Variants in STK36 observed in about 807,000 individuals in gnomAD.
The protein encoded by STK36 is serine/threonine-protein kinase 36.
A neutral mutation model predicts 142.2 loss-of-function variants in STK36; 116 were observed. The observed-to-expected ratio is 0.82, with a 90% CI of 0.70 to 0.95. STK36 has a LOEUF of 0.95. STK36 is among the 40% of genes least tolerant of loss of function. The pLI is 0.00. For missense variants in STK36, 1,422 were observed against 1,617.2 expected, an observed-to-expected ratio of 0.88 and a Z score of 2.07; for synonymous variants, 619 against 641.7, an observed-to-expected ratio of 0.96 and a Z score of 0.53.
At position 218,699,038 on chromosome 2, in the gene STK36, A is replaced by C; in HGVS notation, c.3494A>C (p.Asp1165Ala). Reference protein sequence around the residue: ...SLLLLGLGDKDPVVRCSASFA... With the variant: ...SLLLLGLGDKAPVVRCSASFA... ...CTGCTGCTTGGGCTTGGAGACAAGG[A>C]TCCTGTTGTGCGGTGCAGTGCCAGC... The change falls in exon 26 of 27, where the codon GAT (aspartate) becomes GCT (alanine). Residue 1165 changes from aspartate to alanine, a missense_variant. Physicochemically the swap from Asp to Ala is moderately radical, Grantham distance 126 (BLOSUM62 -2). Coordinates refer to ENST00000295709, the MANE Select transcript of STK36 (RefSeq NM_015690.5). The C allele has an allele frequency of 6.2e-7, 1 of 1,614,076 alleles. No homozygotes were observed. Among genetic ancestry groups the C allele is most frequent in the Non-Finnish European group, 8.5e-7 (1 of 1,180,024 alleles).
chr2:218,683,960 AC>A (rs1940656049), intron 10 of STK36, among the ~76,000 whole-genome samples: 1 of 108,968 alleles, frequency 9.2e-6, no homozygotes, highest in East Asian at 2.1e-4. Flanking sequence ...TATATGTGCC[AC>A]TTTTTTTTTT....
In STK36 at chr2:218,699,091, G is replaced by C. The variant is rs1353212456; in HGVS notation, c.3547G>C (p.Ala1183Pro). 11 of 1,613,914 alleles carry C rather than the reference G, an allele frequency of 6.8e-6. No individual in the cohort carries two copies. The highest frequency in any genetic ancestry group is 2.7e-5 in the African/African-American group (2 of 74,914). Residue 1183 changes from alanine to proline, a missense_variant, in exon 26 of 27, where the codon GCT becomes CCT. Around this residue, in one of 2 missense-constraint regions of STK36, gnomAD observed 962 missense variants for 1,167.5 expected, o/e 0.82. Transcript: ENST00000295709. Reference protein sequence around the residue: ...SFAVGNAAYQAGPLGPALAAA... With the variant: ...SFAVGNAAYQPGPLGPALAAA... ...TGCTGTGGGCAATGCAGCCTACCAG[G>C]CTGGTCCTCTGGGACCTGCCCTGGC...
intron 4 of STK36, among the ~76,000 whole-genome samples, chr2:218,674,514 C>T (rs7578509): frequency 0.06 from 9,194 of 152,278 alleles, 926 homozygotes; most frequent in African/African-American, 0.21. Context: ...TAGGCCCCCC[C>T]TGGGATTCAT....
Position 218,679,230 on chromosome 2 carries a change from A to T in STK36, c.747A>T (p.Leu249Phe), listed in dbSNP as rs1291463016. The part of the protein sequence containing the change: ...PRQRLSWPDL[L>F]YHPFIAGHVT... ...AGCGACTGTCCTGGCCAGACCTCTTATATCACCCCTTTATTGCTGGTCATG... is the reference window on the plus strand; with the variant it reads ...AGCGACTGTCCTGGCCAGACCTCTTTTATCACCCCTTTATTGCTGGTCATG... The change falls in exon 7 of 27, where the codon TTA (leucine) becomes TTT (phenylalanine). Residue 249 changes from leucine (L) to phenylalanine (F), a missense_variant. Physicochemically the swap from Leu to Phe is conservative, Grantham distance 22. Around this residue, in one of 2 missense-constraint regions of STK36, gnomAD observed 460 missense variants for 449.6 expected, o/e 1.02. Coordinates refer to ENST00000295709, the MANE Select transcript of STK36 (RefSeq NM_015690.5). The T allele has an allele frequency of 1.9e-6, 3 of 1,614,024 alleles. No homozygotes were observed. In the African/African-American group the frequency reaches 4.0e-5, roughly 22 times the overall value.
Position 218,692,670 on chromosome 2 carries a change from C to T in STK36, c.2003C>T (p.Ala668Val). The change falls in exon 16 of 27, where the codon GCT (alanine) becomes GTT (valine). Residue 668 changes from alanine (A) to valine (V), a missense_variant. Ala to Val is a moderately conservative substitution (Grantham distance 64, BLOSUM62 0). This residue lies in a region of STK36 where 962 missense variants were observed against 1,167.5 expected (regional missense o/e 0.82). Coordinates refer to ENST00000295709, the MANE Select transcript of STK36 (RefSeq NM_015690.5). ...TCTGCCCTGGCAGCCATATGCACTGCTCCTGTGGGACTGCCCGACTGCTGG... is the reference window on the plus strand; with the variant it reads ...TCTGCCCTGGCAGCCATATGCACTGTTCCTGTGGGACTGCCCGACTGCTGG... ...ISSALAAICTAPVGLPDCWDA... is the reference protein window; with the variant it reads ...ISSALAAICTVPVGLPDCWDA... The T allele has an allele frequency of 6.2e-7, 1 of 1,613,580 alleles. No homozygotes were observed. The highest frequency in any genetic ancestry group is 2.2e-5 in the East Asian group (1 of 44,880).
chr2:218,699,013 C>T lies in STK36; in HGVS notation c.3469C>T (p.Leu1157=). The T allele has an allele frequency of 6.2e-7, 1 of 1,614,182 alleles. No individual in the cohort carries two copies. The highest frequency in any genetic ancestry group is 8.5e-7 in the Non-Finnish European group (1 of 1,180,030). ...LQSQSGLLSL[L]LLGLGDKDPV... is the part of the protein sequence containing the mutation. ...GAGCCAGTCTGGACTGCTCAGCCTT[C>T]TGCTGCTTGGGCTTGGAGACAAGGA... The change falls in exon 26 of 27, where the codon CTG becomes TTG. Residue 1157 remains leucine, a synonymous_variant. Transcript: ENST00000295709.
chr2:218,673,743 A>G lies in STK36; in HGVS notation c.203A>G (p.Asp68Gly). The G allele has an allele frequency of 6.2e-7, 1 of 1,614,100 alleles. No individual in the cohort carries two copies. Among genetic ancestry groups the G allele is most frequent in the Non-Finnish European group, 8.5e-7 (1 of 1,180,008 alleles). The change falls in exon 3 of 27, where the codon GAC becomes GGC. Residue 68 changes from aspartate (D) to glycine (G), a missense_variant. By Grantham distance (94) the Asp-to-Gly change is moderately conservative. Coordinates refer to ENST00000295709, the MANE Select transcript of STK36 (RefSeq NM_015690.5). ...LRHPNIVHML[D>G]SFETDKEVVV... Reference sequence around the variant, plus strand: ...CATCCCAACATTGTGCATATGCTTGACAGCTTTGAAACTGATAAAGAGGTG... The same window carrying G: ...CATCCCAACATTGTGCATATGCTTGGCAGCTTTGAAACTGATAAAGAGGTG...
rs746787404 is a variant in STK36, at chr2:218,689,898, G to A, written c.1600G>A (p.Val534Met). Residue 534 changes from valine (V) to methionine (M), a missense_variant, in exon 13 of 27, where the codon GTG becomes ATG. Around this residue, in one of 2 missense-constraint regions of STK36, gnomAD observed 962 missense variants for 1,167.5 expected, o/e 0.82. Coordinates refer to ENST00000295709, the MANE Select transcript of STK36 (RefSeq NM_015690.5). ...YGTFLQDLMAVIQAYFACTFN... is the reference protein window; with the variant it reads ...YGTFLQDLMAMIQAYFACTFN... ...GACCTTCTTACAGGACCTGATGGCT[G>A]TGATTCAGGCCTACTTTGCCTGTAC... The A allele has an allele frequency of 3.1e-6, 5 of 1,609,194 alleles. No individual in the cohort carries two copies. Among genetic ancestry groups the A allele is most frequent in the Admixed American group, 3.4e-5 (2 of 59,446 alleles).
At chr2:218,674,852 A>C (rs555686017) in intron 4 of STK36, among the ~76,000 whole-genome samples, 2 of 152,312 alleles carry the variant, frequency 1.3e-5, no homozygotes, top group African/African-American at 2.4e-5. Context: ...TGCCCGCCTC[A>C]GCCTCCCAAA....
Position 218,698,919 on chromosome 2 carries a change from G to A in STK36, c.3375G>A (p.Val1125=), listed in dbSNP as rs1941339783. Residue 1125 remains valine (V), a synonymous_variant, in exon 26 of 27, where the codon GTG becomes GTA. Coordinates refer to ENST00000295709, the MANE Select transcript of STK36 (RefSeq NM_015690.5). ...RSLLGHPENS[V]RAHTYRLLGH... Reference sequence around the variant, plus strand: ...TCCTGGGCCACCCAGAGAATTCTGTGCGGGCACACACTTATAGGCTCCTGG... The same window carrying A: ...TCCTGGGCCACCCAGAGAATTCTGTACGGGCACACACTTATAGGCTCCTGG... 1 of 1,614,192 alleles carries A rather than the reference G, an allele frequency of 6.2e-7. No individual in the cohort carries two copies.
intron 25 of STK36, among the ~76,000 whole-genome samples, 198 bp downstream of exon 25, chr2:218,698,199 T>G (rs1006887369): frequency 1.3e-5 from 2 of 152,086 alleles, no homozygotes; most frequent in Non-Finnish European, 2.9e-5. Flanking sequence ...GGTTGGTGCC[T>G]CCTCCTCTCC....
intron 10 of STK36, among the ~76,000 whole-genome samples, chr2:218,682,270 T>G (rs762597449): frequency 1.3e-5 from 2 of 152,184 alleles, no homozygotes; most frequent in Admixed American, 6.5e-5. Flanking sequence ...GTAAAACTTT[T>G]GTCTCATTTG....
intron 4 of STK36, among the ~76,000 whole-genome samples, chr2:218,674,847 G>A (rs931365973): frequency 9.2e-5 from 14 of 152,110 alleles, no homozygotes; most frequent in African/African-American, 2.7e-4. Flanking sequence ...TGATCTGCCC[G>A]CCTCAGCCTC....
At chr2:218,700,753 T>C (rs949562041) in intron 26 of STK36, among the ~76,000 whole-genome samples, 3 of 151,582 alleles carry the variant, frequency 2.0e-5, no homozygotes, top group African/African-American at 7.3e-5. Flanking sequence ...GGCTCTTGCC[T>C]GTAATCCCAG....
At chr2:218,700,814 C>A (rs939031423) in intron 26 of STK36, among the ~76,000 whole-genome samples, 2 of 151,326 alleles carry the variant, frequency 1.3e-5, no homozygotes, top group East Asian at 2.0e-4. Context: ...GAGTTTGAGA[C>A]CAGCCTGGCC....
intron 17 of STK36, among the ~76,000 whole-genome samples, 177 bp downstream of exon 17, chr2:218,693,521 C>T (rs1033190740): frequency 6.6e-5 from 10 of 152,204 alleles, no homozygotes; most frequent in African/African-American, 2.2e-4. Flanking sequence ...TGAGAGGACC[C>T]CACTGTTAGC....
At chr2:218,672,253 G>A (rs1940011836) in intron 1 of STK36, 38 bp downstream of exon 1, 2 of 529,836 alleles carry the variant, frequency 3.8e-6, no homozygotes, top group Non-Finnish European at 6.8e-6. Context: ...AGGGAGAGGC[G>A]GGTGGAGAAG....
chr2:218,674,820 G>T (rs750221022), intron 4 of STK36, among the ~76,000 whole-genome samples: 166 of 152,144 alleles, frequency 1.1e-3, no homozygotes, highest in Middle Eastern at 6.8e-3. Context: ...GGCTGGTCTC[G>T]AACTGCTGGC....
chr2:218,701,736 A>G, intron 26 of STK36, 130 bp from the exon 27 acceptor site: 1 of 1,077,522 alleles, frequency 9.3e-7, no homozygotes, highest in Non-Finnish European at 1.3e-6. Context: ...AGTCCCCAAG[A>G]GCCCATTTCC....
Sources: gnomAD v4.1 joint callset for allele counts (sites outside exome capture counted in the v4.1 genomes callset) on GRCh38, gnomAD v4.1.1 for gene constraint, gnomAD v4.1.1 regional missense constraint, MANE v1.5 for transcripts, NCBI Gene and HGNC (gene_info 2026-07-23, HGNC 2026-07-21) for gene names.